SERPINI2: variants seen among roughly 807,000 people sequenced by gnomAD.
The protein encoded by SERPINI2 is serpin family I member 2.
In SERPINI2, 48 loss-of-function variants were observed where a neutral mutation model predicts 47.3. The observed-to-expected ratio is 1.02, with a 90% CI of 0.81 to 1.29. SERPINI2 has a LOEUF of 1.29. Among genes scored for constraint, SERPINI2 ranks in the 50% most tolerant of loss-of-function variants. SERPINI2 has a pLI of 0.00. For synonymous variants in SERPINI2, 135 were observed against 149.3 expected (o/e 0.90, Z 0.70); for missense variants, 448 against 456.9 (o/e 0.98, Z 0.18).
At position 167,452,944 on chromosome 3, in the gene SERPINI2, C is replaced by T. The variant is rs767911265; in HGVS notation, c.956G>A (p.Gly319Glu). The T allele has an allele frequency of 1.9e-6, 3 of 1,585,454 alleles. No homozygotes were observed. In the South Asian group the frequency reaches 3.4e-5, roughly 18 times the overall value. ...ATTATTTATCATACTACCTGTTATT[C>T]CAGAAAGGTCGCAGCCACCACTAAA... The change falls in exon 6 of 9, where the codon GGA (glycine) becomes GAA (glutamate). Residue 319 changes from glycine to glutamate, a missense_variant. Physicochemically the swap from Gly to Glu is moderately conservative, Grantham distance 98. Coordinates refer to ENST00000264677, the Ensembl canonical transcript of SERPINI2.
At chr3:167,454,014 T>C (rs56824857) in intron 5 of SERPINI2, among the ~76,000 whole-genome samples, 20,103 of 152,242 alleles carry the variant, frequency 0.13, 1,664 homozygotes, top group East Asian at 0.41. Context: ...GCTATATATA[T>C]TTCCTACATC....
chr3:167,467,192 T>C (rs1324355725), exon 3 of SERPINI2: 1 of 1,613,420 alleles, frequency 6.2e-7, no homozygotes, highest in Admixed American at 1.7e-5. Context: ...GAATCCTTCT[T>C]GAAGGTAGAG....
chr3:167,471,943 TA>T, intron 1 of SERPINI2, 99 bp from the exon 2 acceptor site: 1 of 799,642 alleles, frequency 1.3e-6, no homozygotes, highest in East Asian at 2.5e-5. Flanking sequence ...TCTATCTTAA[TA>T]GAACTTACTA....
intron 5 of SERPINI2, among the ~76,000 whole-genome samples, chr3:167,458,643 T>A (rs918839056): frequency 6.6e-6 from 1 of 152,156 alleles, no homozygotes; most frequent in Non-Finnish European, 1.5e-5. Context: ...AAGGAACCTA[T>A]TGCTTTACAT....
intron 6 of SERPINI2, 80 bp from the exon 7 acceptor site, chr3:167,449,482 A>G (rs1749582584): frequency 1.9e-6 from 1 of 520,790 alleles, no homozygotes; most frequent in Admixed American, 4.1e-5. Context: ...AATTAATTAC[A>G]TTTATTTATT....
At chr3:167,464,677 A>G (rs542353833) in intron 5 of SERPINI2, among the ~76,000 whole-genome samples, 13 of 152,292 alleles carry the variant, frequency 8.5e-5, no homozygotes, top group Non-Finnish European at 1.6e-4. Flanking sequence ...GCATGATGTT[A>G]AAAATTTAGT....
intron 7 of SERPINI2, among the ~76,000 whole-genome samples, chr3:167,447,161 T>A (rs1241589580): frequency 6.6e-6 from 1 of 152,190 alleles, no homozygotes; most frequent in East Asian, 1.9e-4. Context: ...AGATACTGTA[T>A]TTCCCAATAA....
At position 167,470,550 on chromosome 3, in the gene SERPINI2, CTTTTTTTT is replaced by C. The variant is rs536884425; in HGVS notation, c.247+1030_247+1037del. Among the ~76,000 whole-genome samples the C allele has an allele frequency of 7.6e-3, 710 of 93,020 alleles. 13 individuals carry two copies. The highest frequency in any genetic ancestry group is 0.031 in the African/African-American group (549 of 17,626). The allele number at this position is 93,020 out of a possible 152,430, so 61.0% of individuals were successfully genotyped here. The stretch of plus-strand genomic sequence containing the variant: ...AGATAGCTGAGGAGATGAGCAACAA[CTTTTTTTT>C]TTTTTTTTTTTTTTTTTTTTTGGAG... On this transcript the variant is annotated intron_variant, in intron 2 of 8. Transcript: ENST00000264677.
chr3:167,452,655 G>A (rs914804336), intron 6 of SERPINI2, among the ~76,000 whole-genome samples: 2 of 152,136 alleles, frequency 1.3e-5, no homozygotes, highest in African/African-American at 2.4e-5. Context: ...TCCAAACAGG[G>A]CAGAAATAAA....
At chr3:167,469,740 A>C (rs1750253213) in intron 2 of SERPINI2, among the ~76,000 whole-genome samples, 1 of 152,176 alleles carries the variant, frequency 6.6e-6, no homozygotes, top group South Asian at 2.1e-4. Context: ...AACTGAGGAC[A>C]CTGAGAGCCT....
intron 6 of SERPINI2, among the ~76,000 whole-genome samples, chr3:167,450,101 A>C (rs1317958655): frequency 1.3e-5 from 2 of 152,246 alleles, no homozygotes; most frequent in African/African-American, 2.4e-5. Flanking sequence ...CCTCAAAGCC[A>C]AAGTGCCTTT....
chr3:167,452,936 C>T, exon 6 of SERPINI2: 2 of 1,561,774 alleles, frequency 1.3e-6, no homozygotes, highest in Admixed American at 1.7e-5. Context: ...ATCATACTAC[C>T]TGTTATTCCA....
chr3:167,454,014 T>TTC (rs1749717989), intron 5 of SERPINI2, among the ~76,000 whole-genome samples: 1 of 152,160 alleles, frequency 6.6e-6, no homozygotes, highest in African/African-American at 2.4e-5. Flanking sequence ...GCTATATATA[T>TTC]TTCCTACATC....
chr3:167,447,953 A>T (rs533168936), intron 7 of SERPINI2, among the ~76,000 whole-genome samples: 1 of 152,372 alleles, frequency 6.6e-6, no homozygotes, highest in African/African-American at 2.4e-5. Context: ...TTGCAAATTA[A>T]TCAAGAAATT....
intron 5 of SERPINI2, among the ~76,000 whole-genome samples, chr3:167,461,266 A>G (rs1363575655): frequency 6.6e-6 from 1 of 152,208 alleles, no homozygotes; most frequent in Non-Finnish European, 1.5e-5. Context: ...TAAAGCCGTC[A>G]TTTATTTAGC....
chr3:167,443,550 A>G (rs1222038328), intron 8 of SERPINI2, among the ~76,000 whole-genome samples: 1 of 152,206 alleles, frequency 6.6e-6, no homozygotes, highest in Non-Finnish European at 1.5e-5. Flanking sequence ...AATAGATATT[A>G]CATTTAGTCA....
chr3:167,449,287 C>T, intron 7 of SERPINI2, 29 bp downstream of exon 7: 1 of 1,474,442 alleles, frequency 6.8e-7, no homozygotes, highest in South Asian at 1.1e-5. Flanking sequence ...ATGTTTCCTT[C>T]TAGCTTGGCC....
intron 5 of SERPINI2, among the ~76,000 whole-genome samples, chr3:167,454,002 G>A (rs570282744): frequency 2.6e-5 from 4 of 152,166 alleles, no homozygotes; most frequent in South Asian, 2.1e-4. Context: ...CTTAAACAGG[G>A]AGCTATATAT....
chr3:167,465,644 C>A lies in SERPINI2; in HGVS notation c.508G>T (p.Glu170Ter). ...ACAAGCCGAGTCAGAGGGCCAAATTCTTCCCCTGAAAACATGTCTTTAATT... is the reference window on the plus strand; with the variant it reads ...ACAAGCCGAGTCAGAGGGCCAAATTATTCCCCTGAAAACATGTCTTTAATT... The change falls in exon 4 of 9, where the codon GAA becomes TAA. Residue 170 changes from glutamate to a stop codon, truncating the protein, a stop_gained. Coordinates refer to ENST00000264677, the Ensembl canonical transcript of SERPINI2. LOFTEE classifies it high-confidence loss of function. The A allele has an allele frequency of 1.9e-6, 3 of 1,611,006 alleles. No homozygotes were observed. The highest frequency in any genetic ancestry group is 2.5e-6 in the Non-Finnish European group (3 of 1,179,458).
Sources: gnomAD v4.1 joint callset for allele counts (sites outside exome capture counted in the v4.1 genomes callset) on GRCh38, gnomAD v4.1.1 for gene constraint, MANE v1.5 for transcripts, NCBI Gene and HGNC (gene_info 2026-07-23, HGNC 2026-07-21) for gene names.